FBXL18: variants seen among roughly 807,000 people sequenced by gnomAD.
The protein encoded by FBXL18 is F-box and leucine rich repeat protein 18, also known as F-box/LRR-repeat protein 18.
A neutral mutation model predicts 46.0 loss-of-function variants in FBXL18; 36 were observed. The ratio of observed to expected loss-of-function variants is 0.78; its 90% CI spans 0.60 to 1.03. The LOEUF is 1.03. Among genes scored for constraint, FBXL18 ranks in the 50% least tolerant of loss-of-function variants. The probability of loss-of-function intolerance (pLI) is 0.00; values close to 1 mark genes in which losing one functional copy is unlikely to be tolerated. For missense variants in FBXL18, 977 were observed against 1,004.1 expected (o/e 0.97, Z 0.36); for synonymous variants, 557 against 465.3 (o/e 1.20, Z -2.54).
downstream of FBXL18, among the ~76,000 whole-genome samples, chr7:5,472,334 T>A (rs1173462877): frequency 6.6e-6 from 1 of 152,144 alleles, no homozygotes; most frequent in African/African-American, 2.4e-5. Flanking sequence ...GGGGGGTCTG[T>A]GCCCCGTCTC....
chr7:5,500,805 G>A lies in FBXL18; in HGVS notation c.1464C>T (p.Leu488=), dbSNP rs374566223. ...LLKNLPFLEH[L]ELIGSNFSSA... is the part of the protein sequence containing the mutation. ...AGGAGAAGTTGGACCCAATCAGCTC[G>A]AGGTGTTCCAGGAAGGGCAGGTTCT... Residue 488 remains leucine (L), a synonymous_variant, in exon 3 of 5, where the codon CTC becomes CTT. Coordinates refer to ENST00000382368, the MANE Select transcript of FBXL18 (RefSeq NM_024963.6). 3.7e-6 allele frequency: 6 copies of A among 1,612,470 alleles called. No homozygotes were observed. The highest frequency in any genetic ancestry group is 2.7e-5 in the African/African-American group (2 of 74,908).
At position 5,500,667 on chromosome 7, in the gene FBXL18, C is replaced by T; in HGVS notation, c.1602G>A (p.Arg534=). 1.2e-6 allele frequency: 2 copies of T among 1,611,412 alleles called. No homozygotes were observed. Among genetic ancestry groups the T allele is most frequent in the Non-Finnish European group, 1.7e-6 (2 of 1,179,240 alleles). ...VAAIGQLAFL[R]HLTLAQLPSV... is the part of the protein sequence containing the mutation. ...TGGGCAGCTGTGCGAGCGTCAGGTGCCGCAGGAAGGCCAGCTGGCCGATGG... is the reference window on the plus strand; with the variant it reads ...TGGGCAGCTGTGCGAGCGTCAGGTGTCGCAGGAAGGCCAGCTGGCCGATGG... Residue 534 remains arginine (R), a synonymous_variant, in exon 3 of 5, where the codon CGG becomes CGA. Coordinates refer to ENST00000382368, the MANE Select transcript of FBXL18 (RefSeq NM_024963.6).
At chr7:5,473,201 C>T (rs1233134114), downstream of FBXL18, among the ~76,000 whole-genome samples, 3 of 152,240 alleles carry the variant, frequency 2.0e-5, no homozygotes, top group Non-Finnish European at 2.9e-5. Flanking sequence ...GGCCCTATGT[C>T]GCCATTTCTG....
chr7:5,466,350 C>T lies in FBXL18; in HGVS notation c.2001-18507G>A, dbSNP rs559571870. ...GGGCTCAGGTCAAGTGCAGGCCGTGCTCCTCCTGGAGGTGCTGGGGGATGA... is the reference window on the plus strand; with the variant it reads ...GGGCTCAGGTCAAGTGCAGGCCGTGTTCCTCCTGGAGGTGCTGGGGGATGA... On this transcript the variant is annotated intron_variant and NMD_transcript_variant, in intron 4 of 6. Coordinates refer to the FBXL18 transcript ENST00000415009. Among the ~76,000 whole-genome samples the T allele has an allele frequency of 3.9e-5, 6 of 152,306 alleles. No individual in the cohort carries two copies. The East Asian group carries it at 1.2e-3, about 29-fold the overall frequency.
chr7:5,465,477 T>C (rs1375340104), intron 4 of FBXL18, among the ~76,000 whole-genome samples: 1 of 151,992 alleles, frequency 6.6e-6, no homozygotes, highest in Non-Finnish European at 1.5e-5. Context: ...GACTGATTGA[T>C]TGACTGATTG....
At chr7:5,456,079 C>T (rs537360507) in intron 4 of FBXL18, among the ~76,000 whole-genome samples, 5 of 152,240 alleles carry the variant, frequency 3.3e-5, no homozygotes, top group Admixed American at 2.0e-4. Flanking sequence ...TGCACTGGCC[C>T]GGTCACCCCA....
chr7:5,454,735 G>A (rs1783148471), intron 4 of FBXL18, among the ~76,000 whole-genome samples: 1 of 152,146 alleles, frequency 6.6e-6, no homozygotes, highest in African/African-American at 2.4e-5. Flanking sequence ...TGGGAGCCGA[G>A]GACAGGGACA....
At position 5,501,242 on chromosome 7, in the gene FBXL18, G is replaced by T; in HGVS notation, c.1027C>A (p.Arg343=). ...QQVINGGKDL[R]SLASLNLSGC... Reference sequence around the variant, plus strand: ...CTGAGGTTCAAGCTGGCCAGGCTCCGCAGGTCCTTCCCGCCGTTGATGACC... The same window carrying T: ...CTGAGGTTCAAGCTGGCCAGGCTCCTCAGGTCCTTCCCGCCGTTGATGACC... The change falls in exon 3 of 5, where the codon CGG becomes AGG. Residue 343 remains arginine, a synonymous_variant. Coordinates refer to ENST00000382368, the MANE Select transcript of FBXL18 (RefSeq NM_024963.6). 1 of 1,613,272 alleles carries T rather than the reference G, an allele frequency of 6.2e-7. No homozygotes were observed. Among genetic ancestry groups the T allele is most frequent in the African/African-American group, 1.3e-5 (1 of 75,078 alleles).
At chr7:5,484,292 C>G (rs534090441) in intron 4 of FBXL18, among the ~76,000 whole-genome samples, 89 of 151,912 alleles carry the variant, frequency 5.9e-4, no homozygotes, top group Non-Finnish European at 1.1e-3. Context: ...ACGGTGAAAC[C>G]CCGTCTCTAC....
rs1783654934 is a variant in FBXL18, at chr7:5,481,848, G to A, written c.2084C>T (p.Pro695Leu). Residue 695 changes from proline to leucine, a missense_variant, in exon 5 of 5, where the codon CCC (proline) becomes CTC (leucine). Pro to Leu is a moderately conservative substitution (Grantham distance 98). Transcript: ENST00000382368. ...GGTGATCTCATCCAGGTGCACCAGG[G>A]GGACGTCCCGGATGACGTCGGTCAG... ...EGLTDVIRDV[P>L]LVHLDEITLF... 6.2e-7 allele frequency: 1 copy of A among 1,613,892 alleles called. No individual in the cohort carries two copies. Among genetic ancestry groups the A allele is most frequent in the Non-Finnish European group, 8.5e-7 (1 of 1,180,000 alleles).
chr7:5,461,221 G>A (rs1330178046), intron 4 of FBXL18, among the ~76,000 whole-genome samples: 1 of 152,182 alleles, frequency 6.6e-6, no homozygotes, highest in African/African-American at 2.4e-5. Context: ...CATTTATTGA[G>A]CACCTACTAT....
intron 3 of FBXL18, among the ~76,000 whole-genome samples, chr7:5,495,172 C>T (rs1394434200): frequency 1.3e-5 from 2 of 152,202 alleles, no homozygotes; most frequent in Non-Finnish European, 2.9e-5. Context: ...CCTCCCCATT[C>T]TGCTCCCTGA....
At chr7:5,473,787 C>T (rs1380981462), downstream of FBXL18, among the ~76,000 whole-genome samples, 1 of 150,320 alleles carries the variant, frequency 6.7e-6, no homozygotes, top group Non-Finnish European at 1.5e-5. Flanking sequence ...AAAGCACATG[C>T]ACTGCAGATT....
intron 3 of FBXL18, 56 bp from the exon 4 acceptor site, chr7:5,491,505 AGCTGGGCGTCTGG>A: frequency 6.9e-7 from 1 of 1,449,790 alleles, no homozygotes; most frequent in Non-Finnish European, 9.2e-7. Context: ...AGGCCAGGCC[AGCTGGGCGTCTGG>A]AGGTGCTGCC....
In FBXL18 at chr7:5,493,685, G is replaced by A. The variant is rs570221476; in HGVS notation, c.1782-2236C>T. On this transcript the variant is annotated intron_variant, in intron 3 of 4. Transcript: ENST00000382368. The stretch of plus-strand genomic sequence containing the variant: ...TGTGTGTGCGTGCGTGCGTGCGTGC[G>A]TGTGTGTGTGTGGAGACAGGGGTCT... 5.8e-5 allele frequency among the ~76,000 whole-genome samples: 8 copies of A among 137,360 alleles called. No individual in the cohort carries two copies. The East Asian group carries it at 1.3e-3, about 22-fold the overall frequency. The allele number at this position is 137,360 out of a possible 152,430, so 90.1% of individuals were successfully genotyped here.
chr7:5,499,659 A>C (rs1784177235), intron 3 of FBXL18, among the ~76,000 whole-genome samples: 1 of 149,364 alleles, frequency 6.7e-6, no homozygotes, highest in Admixed American at 6.8e-5. Context: ...TGAACCCAGG[A>C]GGCAGGGGTT....
chr7:5,482,070 CAG>C (rs1783662608), intron 4 of FBXL18, 139 bp from the exon 5 acceptor site: 2 of 1,008,106 alleles, frequency 2.0e-6, no homozygotes, highest in Non-Finnish European at 2.8e-6. Context: ...CCATGCCTGC[CAG>C]AGTCACCCTC....
In FBXL18 at chr7:5,482,981, T is replaced by C. The variant is rs1305492871; in HGVS notation, c.2001-1050A>G. On this transcript the variant is annotated intron_variant, in intron 4 of 4. Transcript: ENST00000382368. ...TGAGCCCAGGAGGTAGAGGCGGCAG[T>C]GAGCTAAGATCACGCCACTGTACTC... Among the ~76,000 whole-genome samples, 7 of 149,560 alleles carry C rather than the reference T, an allele frequency of 4.7e-5. No individual in the cohort carries two copies. In the East Asian group the frequency reaches 1.2e-3, roughly 25 times the overall value.
At chr7:5,495,298 C>T (rs1784047928) in intron 3 of FBXL18, among the ~76,000 whole-genome samples, 1 of 152,120 alleles carries the variant, frequency 6.6e-6, no homozygotes, top group Admixed American at 6.5e-5. Context: ...CCCAGGCCTC[C>T]GAGGTGTCCC....
Sources: gnomAD v4.1 joint callset for allele counts (sites outside exome capture counted in the v4.1 genomes callset) on GRCh38, gnomAD v4.1.1 for gene constraint, MANE v1.5 for transcripts, NCBI Gene and HGNC (gene_info 2026-07-23, HGNC 2026-07-21) for gene names.